BRD3: variants seen among roughly 807,000 people sequenced by gnomAD.
BRD3 encodes bromodomain containing 3.
In BRD3, 17 loss-of-function variants were observed where a neutral mutation model predicts 66.8. The ratio of observed to expected loss-of-function variants is 0.25; its 90% CI spans 0.17 to 0.38. The LOEUF (loss-of-function observed/expected upper bound fraction) is 0.38, where lower values mean the gene tolerates loss of function less well. Among genes scored for constraint, BRD3 ranks in the 10% least tolerant of loss-of-function variants. The pLI, the probability that BRD3 is intolerant of heterozygous loss-of-function variation, is 1.00. For missense variants in BRD3, 713 were observed against 956.1 expected (o/e 0.75, Z 3.35); for synonymous variants, 421 against 393.2 (o/e 1.07, Z -0.84).
intron 3 of BRD3, among the ~76,000 whole-genome samples, 165 bp from the exon 4 acceptor site, chr9:134,051,874 TG>T (rs1830308593): frequency 1.9e-5 from 2 of 104,984 alleles, no homozygotes; most frequent in Non-Finnish European, 3.6e-5. Context: ...TGTGTGTGTG[TG>T]TGTTGTTTTT....
chr9:134,036,921 G>A (rs1829933472), intron 9 of BRD3, among the ~76,000 whole-genome samples: 1 of 152,148 alleles, frequency 6.6e-6, no homozygotes, highest in South Asian at 2.1e-4. Flanking sequence ...TGAGGCAGGA[G>A]AATCGCTTGA....
At chr9:134,053,129 C>T (rs960670069) in intron 2 of BRD3, 136 bp downstream of exon 2, 15 of 993,178 alleles carry the variant, frequency 1.5e-5, no homozygotes, top group African/African-American at 9.5e-5. Context: ...TGTGGACTTC[C>T]TGAGGCACAG....
chr9:134,066,798 G>T (rs552602630), intron 1 of BRD3, among the ~76,000 whole-genome samples: 1 of 152,228 alleles, frequency 6.6e-6, no homozygotes, highest in East Asian at 1.9e-4. Flanking sequence ...AATGTAAGGG[G>T]GAGAAATCCC....
rs2132367084 is a variant in BRD3, at chr9:134,031,687, A to G, written c.*1903T>C. On this transcript the variant is annotated 3_prime_UTR_variant, in exon 12 of 12. Coordinates refer to ENST00000303407, the MANE Select transcript of BRD3 (RefSeq NM_007371.4). The stretch of plus-strand genomic sequence containing the variant: ...CCCTCTCCAGTAAGGGTATACCTAC[A>G]TCTGTAAGGGTCAGTGGACTCTGAA... 1 of 214,108 alleles carries G rather than the reference A, an allele frequency of 4.7e-6. No homozygotes were observed. 13.3% of individuals were successfully genotyped at this position (214,108 alleles called of 1,614,324 possible).
intron 7 of BRD3, among the ~76,000 whole-genome samples, chr9:134,042,812 CACACACAT>C (rs1239291267): frequency 1.5e-5 from 2 of 132,442 alleles, no homozygotes; most frequent in East Asian, 2.6e-4. Context: ...CACACACACA[CACACACAT>C]TTTTAAGTTT....
At position 134,041,850 on chromosome 9, in the gene BRD3, G is replaced by A. The variant is rs1830056227; in HGVS notation, c.1317C>T (p.Ser439=). The A allele has an allele frequency of 6.2e-7, 1 of 1,612,884 alleles. No individual in the cohort carries two copies. Among genetic ancestry groups the A allele is most frequent in the Non-Finnish European group, 8.5e-7 (1 of 1,179,764 alleles). Residue 439 remains serine (S), a synonymous_variant, in exon 8 of 12, where the codon AGC becomes AGT. Coordinates refer to ENST00000303407, the MANE Select transcript of BRD3 (RefSeq NM_007371.4). ...AAGAGCTCTCCTCACTGCTACGGCT[G>A]CTCTCAGCGCCCTTGCTCACCATGG... The part of the protein sequence containing the change: ...AAPMVSKGAE[S]SRSSEESSSD...
At chr9:134,058,489 G>C (rs1830471451) in intron 1 of BRD3, 1 of 152,412 alleles carries the variant, frequency 6.6e-6, no homozygotes, top group Non-Finnish European at 1.5e-5. Context: ...GATCACGTCT[G>C]GACACCAGGG....
intron 8 of BRD3, 96 bp from the exon 9 acceptor site, chr9:134,040,365 C>T (rs992820711): frequency 7.2e-6 from 10 of 1,392,974 alleles, no homozygotes; most frequent in African/African-American, 1.4e-5. Flanking sequence ...GGGGCGATGT[C>T]GGAGCTGCCT....
rs13286757 is a variant in BRD3, at chr9:134,067,465, G to C, written c.-114+480C>G. Reference sequence around the variant, plus strand: ...GGGAAAGTGGCCCCGCGGAGCGCACGGCCGCAGGCCGGGGCCGCCGCGCGC... The same window carrying C: ...GGGAAAGTGGCCCCGCGGAGCGCACCGCCGCAGGCCGGGGCCGCCGCGCGC... On this transcript the variant is annotated intron_variant, in intron 1 of 11. Coordinates refer to ENST00000303407, the MANE Select transcript of BRD3 (RefSeq NM_007371.4). Among the ~76,000 whole-genome samples, 19 of 148,562 alleles carry C rather than the reference G, an allele frequency of 1.3e-4. No individual in the cohort carries two copies. In the East Asian group the frequency reaches 3.5e-3, roughly 28 times the overall value.
In BRD3 at chr9:134,045,660, A is replaced by T. The variant is rs1391010435; in HGVS notation, c.1087-239T>A. The stretch of plus-strand genomic sequence containing the variant: ...GGAGGGTCTGGGACTCCAGAGACAG[A>T]TCTCCTGATTGGAAGAAAAATGCAC... On this transcript the variant is annotated intron_variant, in intron 6 of 11. Coordinates refer to ENST00000303407, the MANE Select transcript of BRD3 (RefSeq NM_007371.4). This position sits in a 1 kb window ranked among gnomAD's most constrained non-coding sequence, Gnocchi z 4.8. Among the ~76,000 whole-genome samples, 1 of 152,158 alleles carries T rather than the reference A, an allele frequency of 6.6e-6. No individual in the cohort carries two copies. Among genetic ancestry groups the T allele is most frequent in the Non-Finnish European group, 1.5e-5 (1 of 68,026 alleles).
intron 4 of BRD3, 150 bp from the exon 5 acceptor site, chr9:134,050,738 C>A (rs572911090): frequency 1.1e-5 from 7 of 655,908 alleles, no homozygotes; most frequent in Admixed American, 5.8e-5. Context: ...AGATGCCCCC[C>A]ATCCTGCATC....
At chr9:134,048,609 G>A (rs1015020861) in intron 5 of BRD3, among the ~76,000 whole-genome samples, 155 bp from the exon 6 acceptor site, 9 of 152,222 alleles carry the variant, frequency 5.9e-5, no homozygotes, top group Non-Finnish European at 8.8e-5. Flanking sequence ...AGGCTCAGGG[G>A]CCATGTCACT....
intron 6 of BRD3, among the ~76,000 whole-genome samples, chr9:134,047,688 C>T (rs912136243): frequency 2.0e-5 from 3 of 152,214 alleles, no homozygotes; most frequent in Admixed American, 6.5e-5. Context: ...CGCCTCACTC[C>T]TGTCTGCTGT....
At position 134,030,687 on chromosome 9, in the gene BRD3, T is replaced by C. The variant is rs1843498718; in HGVS notation, c.*2903A>G. On this transcript the variant is annotated 3_prime_UTR_variant, in exon 12 of 12. Coordinates refer to ENST00000303407, the MANE Select transcript of BRD3 (RefSeq NM_007371.4). ...GGTGTTACTCTTTCCCAAAAGACTG[T>C]CAGAGGCGTGAGTGCTGCAAAAGAA... The C allele has an allele frequency of 1.3e-5, 3 of 230,224 alleles. No homozygotes were observed. The highest frequency in any genetic ancestry group is 6.6e-5 in the African/African-American group (3 of 45,154). The allele number at this position is 230,224 out of a possible 1,614,324, so 14.3% of individuals were successfully genotyped here.
intron 10 of BRD3, 125 bp from the exon 11 acceptor site, chr9:134,034,954 A>G (rs1843577326): frequency 2.8e-6 from 4 of 1,433,900 alleles, no homozygotes; most frequent in Admixed American, 2.0e-5. Context: ...CCCAGCTTTC[A>G]TGAGTCTGGG....
In BRD3 at chr9:134,036,693, A is replaced by T. The variant is rs1473752044; in HGVS notation, c.1644-369T>A. 24 of 986,142 alleles carry T rather than the reference A, an allele frequency of 2.4e-5. No homozygotes were observed. The Admixed American group carries it at 2.8e-4, about 12-fold the overall frequency. 61.1% of individuals were successfully genotyped at this position (986,142 alleles called of 1,614,324 possible). ...TAAAATGAGAGACCGAAATCCAATT[A>T]TATCAATAATTATGTGAAATATAAA... is the stretch of plus-strand genomic sequence containing the variant. On this transcript the variant is annotated intron_variant, in intron 9 of 11. Transcript: ENST00000303407.
Position 134,059,692 on chromosome 9 carries a change from G to A in BRD3, c.-113-6102C>T, listed in dbSNP as rs144899872. ...TCTGCTAAAATGTGAACCGAGAAGGGTCTGTGAGCATGTACAGTGCAGGAA... is the reference window on the plus strand; with the variant it reads ...TCTGCTAAAATGTGAACCGAGAAGGATCTGTGAGCATGTACAGTGCAGGAA... On this transcript the variant is annotated intron_variant, in intron 1 of 11. Transcript: ENST00000303407. 8.0e-3 allele frequency among the ~76,000 whole-genome samples: 1,225 copies of A among 152,320 alleles called. 5 individuals are homozygous for A. The highest frequency in any genetic ancestry group is 0.012 in the Non-Finnish European group (794 of 68,026).
intron 6 of BRD3, among the ~76,000 whole-genome samples, chr9:134,047,250 C>G (rs1588285236): frequency 1.3e-5 from 2 of 152,260 alleles, no homozygotes; most frequent in Non-Finnish European, 2.9e-5. Context: ...ATGAAAACAA[C>G]TGCCCAACAG....
intron 2 of BRD3, 130 bp from the exon 3 acceptor site, chr9:134,052,573 C>T: frequency 1.9e-6 from 2 of 1,029,998 alleles, no homozygotes; most frequent in South Asian, 1.5e-5. Flanking sequence ...ACTTTCTGGT[C>T]TCTGAAGGCA....
Sources: allele counts gnomAD v4.1 joint callset (sites outside exome capture counted in the v4.1 genomes callset), GRCh38; gene constraint gnomAD v4.1.1; non-coding constraint Gnocchi (gnomAD v3.1); transcripts MANE v1.5; gene names NCBI Gene and HGNC (gene_info 2026-07-23, HGNC 2026-07-21).